WDR47: variants seen among roughly 807,000 people sequenced by gnomAD.
WDR47 encodes WD repeat domain 47.
Under a neutral mutation model 97.2 loss-of-function variants are expected in WDR47, and 32 were observed. The observed-to-expected ratio is 0.33, with a 90% CI of 0.25 to 0.44. The LOEUF (loss-of-function observed/expected upper bound fraction) is 0.44. WDR47 is among the 20% of genes least tolerant of loss of function. The probability of loss-of-function intolerance (pLI) is 1.00; values close to 1 mark genes in which losing one functional copy is unlikely to be tolerated. For synonymous variants in WDR47, 375 were observed against 373.5 expected (o/e 1.00, Z -0.05); for missense variants, 782 against 1,102.3 (o/e 0.71, Z 4.11).
chr1:109,018,146 C>T (rs1571228518), intron 2 of WDR47, among the ~76,000 whole-genome samples: 1 of 152,164 alleles, frequency 6.6e-6, no homozygotes, highest in East Asian at 1.9e-4. Flanking sequence ...TGGGTTTTGA[C>T]CTATGTAAAA....
chr1:108,980,970 T>C (rs1442079248), intron 13 of WDR47, among the ~76,000 whole-genome samples: 1 of 150,554 alleles, frequency 6.6e-6, no homozygotes, highest in South Asian at 2.1e-4. Flanking sequence ...TACTAAAAAA[T>C]GCAAAAAATT....
At chr1:109,036,337 C>T (rs1160573289) in intron 1 of WDR47, among the ~76,000 whole-genome samples, 1 of 147,180 alleles carries the variant, frequency 6.8e-6, no homozygotes, top group Non-Finnish European at 1.5e-5. Flanking sequence ...ACTATAGGAG[C>T]CTGAGGCAGG....
At position 109,011,184 on chromosome 1, in the gene WDR47, T is replaced by C; in HGVS notation, c.862A>G (p.Ile288Val). ...AAYADLLTPLISKLSPYPSSP... is the reference protein window; with the variant it reads ...AAYADLLTPLVSKLSPYPSSP... ...GATGGATAGGGAGAGAGTTTGCTGA[T>C]AAGAGGAGTCAAAAGATCAGCATAT... is the stretch of plus-strand genomic sequence containing the variant. The change falls in exon 5 of 15, where the codon ATC becomes GTC. Residue 288 changes from isoleucine to valine, a missense_variant. Coordinates refer to ENST00000369962, the MANE Select transcript of WDR47 (RefSeq NM_001142551.2). 1 of 1,614,134 alleles carries C rather than the reference T, an allele frequency of 6.2e-7. No individual in the cohort carries two copies.
intron 5 of WDR47, among the ~76,000 whole-genome samples, chr1:109,008,552 C>T (rs545712091): frequency 1.3e-5 from 2 of 151,662 alleles, no homozygotes; most frequent in South Asian, 2.1e-4. Flanking sequence ...CTTGAGCCAT[C>T]GCGCCGGGCC....
At chr1:109,028,124 T>C (rs781518594) in intron 1 of WDR47, among the ~76,000 whole-genome samples, 138 of 152,292 alleles carry the variant, frequency 9.1e-4, no homozygotes, top group Non-Finnish European at 5.3e-4. Flanking sequence ...CTGAATTAAC[T>C]TGAGATGTAA....
rs1191298248 is a variant in WDR47 at position 108,992,059 on chromosome 1, A to T, written c.1692-730T>A. 2.0e-5 allele frequency among the ~76,000 whole-genome samples: 3 copies of T among 152,200 alleles called. No individual in the cohort carries two copies. The East Asian group carries it at 5.8e-4, about 29-fold the overall frequency. On this transcript the variant is annotated intron_variant, in intron 8 of 14. Transcript: ENST00000369962. Reference sequence around the variant, plus strand: ...AAAGGTAGAGACTAAAATCAACAGAAAAATGAACTTGGGAGAAGAGAGGCA... The same window carrying T: ...AAAGGTAGAGACTAAAATCAACAGATAAATGAACTTGGGAGAAGAGAGGCA...
intron 7 of WDR47, among the ~76,000 whole-genome samples, 143 bp downstream of exon 7, chr1:109,002,067 GGAATGCTGTGACTA>G (rs373607432): frequency 5.9e-4 from 90 of 152,240 alleles, no homozygotes; most frequent in Middle Eastern, 3.4e-3. Context: ...ATGAGCCCTC[GGAATGCTGTGACTA>G]GAAAGCAATA....
chr1:109,002,105 T>C, intron 7 of WDR47, 119 bp downstream of exon 7: 1 of 1,165,458 alleles, frequency 8.6e-7, no homozygotes, highest in East Asian at 2.5e-5. Context: ...AACTCCACAT[T>C]ACTTCAAATG....
intron 14 of WDR47, among the ~76,000 whole-genome samples, chr1:108,973,749 T>C (rs1657658978): frequency 1.3e-5 from 2 of 151,668 alleles, no homozygotes; most frequent in African/African-American, 4.8e-5. Flanking sequence ...CCATCCATGG[T>C]GGTGCACAGA....
chr1:108,983,313 C>G lies in WDR47; in HGVS notation c.2064G>C (p.Leu688=), dbSNP rs762899304. Residue 688 remains leucine, a synonymous_variant, in exon 11 of 15, where the codon CTG becomes CTC. Transcript: ENST00000369962. ...TGSNDKYVKV[L]PFNAETCNAT... ...CGTTACAAGTCTCTGCATTGAAGGG[C>G]AGCACTTTGACGTATTTGTCATTTG... is the stretch of plus-strand genomic sequence containing the variant. 1.9e-5 allele frequency: 31 copies of G among 1,612,114 alleles called. No homozygotes were observed. The highest frequency in any genetic ancestry group is 2.5e-5 in the Non-Finnish European group (30 of 1,179,096).
chr1:108,982,301 G>C (rs906190574), intron 12 of WDR47, among the ~76,000 whole-genome samples: 3 of 152,198 alleles, frequency 2.0e-5, no homozygotes, highest in Non-Finnish European at 2.9e-5. Context: ...GGGAGGCTGA[G>C]ACAGGATGAT....
intron 7 of WDR47, among the ~76,000 whole-genome samples, chr1:108,999,612 T>C (rs1473781175): frequency 2.0e-5 from 3 of 151,072 alleles, no homozygotes; most frequent in African/African-American, 7.3e-5. Context: ...AGGTCGAGGC[T>C]GCAGTGAGCC....
At position 108,983,378 on chromosome 1, in the gene WDR47, C is replaced by A; in HGVS notation, c.1999G>T (p.Val667Leu). ...AACTGCCCACAAGGACTCCAGGCCA[C>A]ACAGTAAATGGATCCTTTATGATGT... ...NKHHKGSIYCVAWSPCGQLLA... is the reference protein window; with the variant it reads ...NKHHKGSIYCLAWSPCGQLLA... Residue 667 changes from valine to leucine, a missense_variant, in exon 11 of 15, where the codon GTG becomes TTG. Around this residue, in one of 3 missense-constraint regions of WDR47, gnomAD observed 228 missense variants for 396.7 expected, o/e 0.57. Transcript: ENST00000369962. The A allele has an allele frequency of 6.2e-7, 1 of 1,613,188 alleles. No individual in the cohort carries two copies. Among genetic ancestry groups the A allele is most frequent in the Non-Finnish European group, 8.5e-7 (1 of 1,179,552 alleles).
intron 3 of WDR47, among the ~76,000 whole-genome samples, chr1:109,014,779 T>C (rs577624249): frequency 8.5e-5 from 13 of 152,254 alleles, no homozygotes; most frequent in African/African-American, 3.1e-4. Flanking sequence ...GGGGAAGGGA[T>C]AGCAAAGAGT....
chr1:109,030,578 A>G (rs1462181999), intron 1 of WDR47, among the ~76,000 whole-genome samples: 1 of 152,052 alleles, frequency 6.6e-6, no homozygotes, highest in Non-Finnish European at 1.5e-5. Context: ...CTGCAATTCC[A>G]TCTCACACAA....
intron 2 of WDR47, among the ~76,000 whole-genome samples, chr1:109,018,712 G>A (rs1032357809): frequency 6.6e-6 from 1 of 151,780 alleles, no homozygotes; most frequent in African/African-American, 2.4e-5. Flanking sequence ...CTACTCGGGA[G>A]GCTGAGGTGG....
intron 2 of WDR47, among the ~76,000 whole-genome samples, chr1:109,020,032 G>C (rs547661145): frequency 2.0e-5 from 3 of 151,868 alleles, no homozygotes; most frequent in Non-Finnish European, 4.4e-5. Context: ...AATCATTTGA[G>C]GCCAGGAGTT....
chr1:109,009,866 C>G (rs539024447), intron 5 of WDR47, among the ~76,000 whole-genome samples: 3 of 151,844 alleles, frequency 2.0e-5, no homozygotes, highest in Non-Finnish European at 4.4e-5. Flanking sequence ...GGCGTGGTGG[C>G]GGGTGTTTGC....
chr1:109,015,982 CA>C (rs67794185), intron 3 of WDR47, among the ~76,000 whole-genome samples: 82,829 of 98,848 alleles, frequency 0.84, 34,121 homozygotes, highest in East Asian at 0.97. Flanking sequence ...GACTCCATCT[CA>C]AAAAAAAAAA....
Sources: gnomAD v4.1 joint callset for allele counts (sites outside exome capture counted in the v4.1 genomes callset) on GRCh38, gnomAD v4.1.1 for gene constraint, gnomAD v4.1.1 regional missense constraint, MANE v1.5 for transcripts, NCBI Gene and HGNC (gene_info 2026-07-23, HGNC 2026-07-21) for gene names.